The following TNPO1 variants were observed in gnomAD, a reference collection of about 807,000 sequenced individuals.
TNPO1 encodes transportin 1.
In TNPO1, 8 loss-of-function variants were observed where a neutral mutation model predicts 119.5. That is an observed-to-expected ratio of 0.07 (90% CI 0.04 to 0.12). TNPO1 has a LOEUF of 0.12. Among genes scored for constraint, TNPO1 ranks in the 10% least tolerant of loss-of-function variants. The pLI is 1.00. For synonymous variants in TNPO1, 362 were observed against 363.0 expected, an observed-to-expected ratio of 1.00 and a Z score of 0.03; for missense variants, 576 against 1,089.8, an observed-to-expected ratio of 0.53 and a Z score of 6.64.
chr5:72,855,813 A>G lies in TNPO1; in HGVS notation c.245A>G (p.Asn82Ser). Residue 82 changes from asparagine (N) to serine (S), a missense_variant, in exon 4 of 25, where the codon AAT (asparagine) becomes AGT (serine). Asn to Ser is a conservative substitution (Grantham distance 46). Coordinates refer to ENST00000337273, the MANE Select transcript of TNPO1 (RefSeq NM_002270.4). The part of the protein sequence containing the change: ...TRSLSGLILK[N>S]NVKAHFQNFP... ...TCATTGAGTGGTCTTATCTTGAAGA[A>G]TAATGTGAAAGCACACTTTCAGAAC... 2 of 1,612,082 alleles carry G rather than the reference A, an allele frequency of 1.2e-6. No homozygotes were observed. Among genetic ancestry groups the G allele is most frequent in the East Asian group, 2.2e-5 (1 of 44,824 alleles).
chr5:72,885,593 C>T (rs1306364758), intron 11 of TNPO1, among the ~76,000 whole-genome samples: 1 of 152,142 alleles, frequency 6.6e-6, no homozygotes, highest in African/African-American at 2.4e-5. Context: ...CTCATTCTTC[C>T]TCAGTACATA....
In TNPO1 at chr5:72,912,435, T is replaced by C. The variant is rs2112532928; in HGVS notation, c.*3762T>C. Reference sequence around the variant, plus strand: ...GCTTTGTCTACTCAGTTATAAAATATTCAGATACAAGTTTTATCTCAGGTG... The same window carrying C: ...GCTTTGTCTACTCAGTTATAAAATACTCAGATACAAGTTTTATCTCAGGTG... On this transcript the variant is annotated 3_prime_UTR_variant, in exon 25 of 25. Coordinates refer to ENST00000337273, the MANE Select transcript of TNPO1 (RefSeq NM_002270.4). 1 of 152,676 alleles carries C rather than the reference T, an allele frequency of 6.5e-6. No individual in the cohort carries two copies. The highest frequency in any genetic ancestry group is 2.1e-4 in the South Asian group (1 of 4,828). The allele number at this position is 152,676 out of a possible 1,614,324, so 9.5% of individuals were successfully genotyped here.
intron 24 of TNPO1, among the ~76,000 whole-genome samples, chr5:72,908,086 T>TTC (rs201623417): frequency 1.5e-3 from 221 of 152,192 alleles, no homozygotes; most frequent in Admixed American, 9.8e-3. Flanking sequence ...ATTTGCTTTT[T>TTC]TCTCTCTCTC....
At chr5:72,867,781 T>C (rs1434994047) in intron 6 of TNPO1, among the ~76,000 whole-genome samples, 1 of 152,248 alleles carries the variant, frequency 6.6e-6, no homozygotes, top group South Asian at 2.1e-4. Context: ...AATGTAGACA[T>C]AGGCAACTTT....
intron 6 of TNPO1, among the ~76,000 whole-genome samples, chr5:72,866,436 TC>T (rs1746911692): frequency 6.6e-6 from 1 of 152,182 alleles, no homozygotes; most frequent in Non-Finnish European, 1.5e-5. Flanking sequence ...TATACATACT[TC>T]ACTTTTTGTG....
At chr5:72,822,661 C>A (rs373668835) in intron 1 of TNPO1, among the ~76,000 whole-genome samples, 1 of 135,940 alleles carries the variant, frequency 7.4e-6, no homozygotes, top group Non-Finnish European at 1.5e-5. Context: ...GGCATGATTT[C>A]GGCTCACTGC....
chr5:72,867,384 CG>C, intron 6 of TNPO1, among the ~76,000 whole-genome samples: 1 of 113,252 alleles, frequency 8.8e-6, no homozygotes, highest in Non-Finnish European at 2.1e-5. Context: ...TACTCTTAAG[CG>C]TTCTCTCTCA....
At chr5:72,858,836 CAAA>C (rs564909566) in intron 4 of TNPO1, among the ~76,000 whole-genome samples, 1 of 122,204 alleles carries the variant, frequency 8.2e-6, no homozygotes, top group Non-Finnish European at 1.7e-5. Context: ...GACTCCGTCT[CAAA>C]AAAAAAAAAG....
intron 20 of TNPO1, among the ~76,000 whole-genome samples, chr5:72,898,612 T>C (rs1749610831): frequency 6.6e-6 from 1 of 152,162 alleles, no homozygotes; most frequent in African/African-American, 2.4e-5. Context: ...TAATTACCAT[T>C]ATCTCAATAT....
chr5:72,878,892 C>T, intron 9 of TNPO1: 1 of 507,884 alleles, frequency 2.0e-6, no homozygotes, highest in Admixed American at 2.1e-5. Context: ...GGTACAGCAT[C>T]ACTCAGATTT....
intron 14 of TNPO1, among the ~76,000 whole-genome samples, chr5:72,891,077 A>G (rs974023161): frequency 6.6e-6 from 1 of 152,074 alleles, no homozygotes; most frequent in African/African-American, 2.4e-5. Flanking sequence ...TCCTGGGTTC[A>G]AGTGATCTGC....
At chr5:72,858,769 G>A (rs1367125833) in intron 4 of TNPO1, among the ~76,000 whole-genome samples, 1 of 151,956 alleles carries the variant, frequency 6.6e-6, no homozygotes, top group Admixed American at 6.6e-5. Context: ...CCCGGGAGGC[G>A]GAGCTTGCAG....
chr5:72,865,575 A>G, intron 5 of TNPO1, 21 bp from the exon 6 acceptor site: 1 of 1,607,060 alleles, frequency 6.2e-7, no homozygotes, highest in South Asian at 1.1e-5. Context: ...AATTCTGATA[A>G]TTTAAATGTG....
At chr5:72,836,684 G>T (rs1472786997) in intron 1 of TNPO1, among the ~76,000 whole-genome samples, 2 of 152,102 alleles carry the variant, frequency 1.3e-5, no homozygotes, top group African/African-American at 4.8e-5. Context: ...TTTAAGTTCT[G>T]CCTTCCTTTT....
At chr5:72,881,236 G>T (rs1184392703) in intron 9 of TNPO1, among the ~76,000 whole-genome samples, 1 of 152,068 alleles carries the variant, frequency 6.6e-6, no homozygotes, top group Non-Finnish European at 1.5e-5. Context: ...TCAGCCTCCT[G>T]AGTAGCTGGG....
chr5:72,856,953 A>G (rs1746047638), intron 4 of TNPO1, among the ~76,000 whole-genome samples: 1 of 152,164 alleles, frequency 6.6e-6, no homozygotes, highest in African/African-American at 2.4e-5. Context: ...AACTTCTACA[A>G]GGACCTGGAA....
rs539375621 is a variant in TNPO1, at chr5:72,888,636, A to G, written c.1529+333A>G. On this transcript the variant is annotated intron_variant, in intron 13 of 24. Coordinates refer to ENST00000337273, the MANE Select transcript of TNPO1 (RefSeq NM_002270.4). The stretch of plus-strand genomic sequence containing the variant: ...GGCTCATTTTTCCCACTCAGTGGTT[A>G]TTATAACAGAACTATCTTACACCCT... 9.2e-5 allele frequency among the ~76,000 whole-genome samples: 14 copies of G among 152,294 alleles called. No individual in the cohort carries two copies. In the East Asian group the frequency reaches 9.7e-4, roughly 11 times the overall value.
intron 1 of TNPO1, among the ~76,000 whole-genome samples, chr5:72,842,296 T>C (rs1744949037): frequency 2.0e-5 from 3 of 152,168 alleles, no homozygotes; most frequent in Admixed American, 6.5e-5. Context: ...GGAAAGGCAG[T>C]ATATCAGGGG....
intron 2 of TNPO1, among the ~76,000 whole-genome samples, chr5:72,849,974 G>A (rs934572907): frequency 2.3e-4 from 35 of 152,142 alleles, no homozygotes; most frequent in African/African-American, 8.2e-4. Flanking sequence ...CCTCATAAAT[G>A]CTTAGTACCG....
Sources: allele counts gnomAD v4.1 joint callset (sites outside exome capture counted in the v4.1 genomes callset), GRCh38; gene constraint gnomAD v4.1.1; transcripts MANE v1.5; gene names NCBI Gene and HGNC (gene_info 2026-07-23, HGNC 2026-07-21).